TPRX1: variants seen among roughly 807,000 people sequenced by gnomAD.
TPRX1 encodes tetrapeptide repeat homeobox 1.
Under a neutral mutation model 8.1 loss-of-function variants are expected in TPRX1, and 2 were observed. The ratio of observed to expected loss-of-function variants is 0.25; its 90% CI spans 0.10 to 0.78. The LOEUF (loss-of-function observed/expected upper bound fraction) is 0.78, where lower values mean the gene tolerates loss of function less well. Ranked by LOEUF, TPRX1 falls within the 30% of genes least tolerant of loss-of-function variation. TPRX1 has a pLI of 0.70. For synonymous variants in TPRX1, 257 were observed against 254.1 expected (o/e 1.01, Z -0.11); for missense variants, 517 against 586.9 (o/e 0.88, Z 1.23).
At chr19:47,816,650 A>G (rs1302882112) in intron 2 of TPRX1, among the ~76,000 whole-genome samples, 2 of 149,476 alleles carry the variant, frequency 1.3e-5, no homozygotes, top group African/African-American at 5.0e-5. Flanking sequence ...CTCCTACCTC[A>G]GCCTCCCGAG....
intron 2 of TPRX1, among the ~76,000 whole-genome samples, chr19:47,805,654 T>G (rs949404348): frequency 6.6e-6 from 1 of 152,172 alleles, no homozygotes; most frequent in Non-Finnish European, 1.5e-5. Context: ...CTACTTAGAG[T>G]TCTGCTGTAG....
intron 2 of TPRX1, among the ~76,000 whole-genome samples, chr19:47,808,986 T>C (rs1200432986): frequency 1.3e-5 from 2 of 152,122 alleles, no homozygotes; most frequent in African/African-American, 4.8e-5. Context: ...GAAATGATGA[T>C]CTTTAATGTA....
chr19:47,808,416 A>C, intron 2 of TPRX1, among the ~76,000 whole-genome samples: 1 of 137,206 alleles, frequency 7.3e-6, no homozygotes, highest in African/African-American at 2.8e-5. Flanking sequence ...TGCCTGGCCA[A>C]TTTTCTTATT....
intron 2 of TPRX1, among the ~76,000 whole-genome samples, chr19:47,809,294 T>C (rs1034157743): frequency 6.6e-6 from 1 of 152,166 alleles, no homozygotes; most frequent in African/African-American, 2.4e-5. Context: ...TTTCCTTTTT[T>C]TTTGGAGACA....
chr19:47,818,368 C>CCATCATCT, intron 2 of TPRX1: 1 of 299,280 alleles, frequency 3.3e-6, no homozygotes, highest in South Asian at 1.9e-5. Flanking sequence ...ATCCATCCAT[C>CCATCATCT]ATCCATCACC....
At position 47,802,813 on chromosome 19, in the gene TPRX1, C is replaced by T. The variant is rs537091280; in HGVS notation, c.489G>A (p.Ala163=). 3.1e-6 allele frequency: 5 copies of T among 1,601,102 alleles called. No homozygotes were observed. The African/African-American group carries it at 5.3e-5, about 17-fold the overall frequency. Residue 163 remains alanine (A), a synonymous_variant, in exon 4 of 4, where the codon GCG becomes GCA. Coordinates refer to ENST00000535759, the Ensembl canonical transcript of TPRX1. ...GGTGGAGGCTGCAGATCGTGGGTTCCGCCGCTGGAAGGATTCCCGAGGGGC... is the reference window on the plus strand; with the variant it reads ...GGTGGAGGCTGCAGATCGTGGGTTCTGCCGCTGGAAGGATTCCCGAGGGGC...
Position 47,813,157 on chromosome 19 carries a change from A to AC in TPRX1, c.151+5310dup, listed in dbSNP as rs200894986. ...TAAATAAATAATAATAAATAAAACA[A>AC]CCCCCCCCACCCCGCCAAAATTAGC... On this transcript the variant is annotated intron_variant, in intron 2 of 3. Coordinates refer to ENST00000535759, the Ensembl canonical transcript of TPRX1. Among the ~76,000 whole-genome samples the AC allele has an allele frequency of 5.7e-3, 632 of 110,968 alleles. 28 individuals are homozygous for AC. The highest frequency in any genetic ancestry group is 0.014 in the East Asian group (53 of 3,800). 72.8% of individuals were successfully genotyped at this position (110,968 alleles called of 152,430 possible). A position where few individuals can be genotyped will look rare whatever the true frequency, so the allele number is the denominator to read the frequency against.
chr19:47,802,474 G>T lies in TPRX1; in HGVS notation c.828C>A (p.Ile276=), dbSNP rs79291962. ...GGATCGGGCCTGGGTTTGGGCCTGG[G>T]ATCGGGCCTGGGTTTGGGCCTGAGA... Residue 276 remains isoleucine (I), a synonymous_variant, in exon 4 of 4, where the codon ATC becomes ATA. Coordinates refer to ENST00000535759, the Ensembl canonical transcript of TPRX1. 1,733 of 1,542,908 alleles carry T rather than the reference G, an allele frequency of 1.1e-3. 9 individuals carry two copies. The African/African-American group carries it at 0.022, about 20-fold the overall frequency.
At chr19:47,818,051 G>A (rs1321320853) in intron 2 of TPRX1, among the ~76,000 whole-genome samples, 1 of 152,206 alleles carries the variant, frequency 6.6e-6, no homozygotes, top group Non-Finnish European at 1.5e-5. Context: ...GATCCCTGAA[G>A]CATCCAGAGA....
rs565887057 is a variant in TPRX1 at position 47,803,097 on chromosome 19, C to T, written c.322-117G>A. The T allele has an allele frequency of 3.2e-6, 4 of 1,250,924 alleles. No individual in the cohort carries two copies. In the African/African-American group the frequency reaches 6.0e-5, roughly 19 times the overall value. The allele number at this position is 1,250,924 out of a possible 1,614,324, so 77.5% of individuals were successfully genotyped here. On this transcript the variant is annotated intron_variant, in intron 3 of 3. Coordinates refer to ENST00000535759, the Ensembl canonical transcript of TPRX1. ...CCCTGTGCTCAACAGCCCCCCATCC[C>T]CCACCCCACCAAAAGAGGGCCCCGG...
chr19:47,806,466 G>A (rs2123714196), intron 2 of TPRX1, among the ~76,000 whole-genome samples: 1 of 152,262 alleles, frequency 6.6e-6, no homozygotes, highest in African/African-American at 2.4e-5. Flanking sequence ...GTTGCAGGGA[G>A]CTGAGATGGT....
chr19:47,813,137 AAAT>A (rs1224170697), intron 2 of TPRX1, among the ~76,000 whole-genome samples: 1 of 147,848 alleles, frequency 6.8e-6, no homozygotes, highest in African/African-American at 2.5e-5. Context: ...ATAAATAAAT[AAAT>A]AATAATAAAT....
intron 2 of TPRX1, among the ~76,000 whole-genome samples, chr19:47,817,894 C>T (rs1043320751): frequency 2.6e-5 from 4 of 152,250 alleles, no homozygotes; most frequent in Non-Finnish European, 5.9e-5. Context: ...TTGGCCCTGC[C>T]AGCCTCTCTC....
chr19:47,817,394 C>G (rs1419078048), intron 2 of TPRX1, among the ~76,000 whole-genome samples: 1 of 152,060 alleles, frequency 6.6e-6, no homozygotes, highest in Non-Finnish European at 1.5e-5. Flanking sequence ...ACGTCAGCGG[C>G]AGAGCCAGAG....
intron 2 of TPRX1, among the ~76,000 whole-genome samples, chr19:47,813,108 AAAATAAATAAAT>A (rs373835462): frequency 8.2e-5 from 11 of 134,444 alleles, no homozygotes; most frequent in South Asian, 2.5e-4. Context: ...CTGTGTCTCA[AAAATAAATAAAT>A]AAATAAATAA....
At chr19:47,814,440 T>C (rs1165942425) in intron 2 of TPRX1, among the ~76,000 whole-genome samples, 2 of 152,158 alleles carry the variant, frequency 1.3e-5, no homozygotes, top group African/African-American at 2.4e-5. Context: ...AGGAGGATCA[T>C]TTGAGCCCAG....
chr19:47,817,416 C>A (rs887882697), intron 2 of TPRX1, among the ~76,000 whole-genome samples: 2 of 152,154 alleles, frequency 1.3e-5, no homozygotes, highest in African/African-American at 4.8e-5. Flanking sequence ...TGGGCCAGCA[C>A]CTGCCCCGGA....
intron 3 of TPRX1, 114 bp from the exon 3 acceptor site, chr19:47,803,094 T>A: frequency 2.9e-6 from 3 of 1,026,506 alleles, no homozygotes; most frequent in Non-Finnish European, 2.5e-6. Flanking sequence ...CAGCCCCCCA[T>A]CCCCCACCCC....
chr19:47,807,994 A>G (rs1967749719), intron 2 of TPRX1, among the ~76,000 whole-genome samples: 1 of 152,062 alleles, frequency 6.6e-6, no homozygotes, highest in Admixed American at 6.6e-5. Context: ...AGTGGAGTCA[A>G]TCGAAACTCA....
Sources: allele counts gnomAD v4.1 joint callset (sites outside exome capture counted in the v4.1 genomes callset), GRCh38; gene constraint gnomAD v4.1.1; transcripts MANE v1.5; gene names NCBI Gene and HGNC (gene_info 2026-07-23, HGNC 2026-07-21).